WDPCP: variants seen among roughly 807,000 people sequenced by gnomAD.
WDPCP encodes WD repeat containing planar cell polarity effector.
A neutral mutation model predicts 93.1 loss-of-function variants in WDPCP; 71 were observed. The ratio of observed to expected loss-of-function variants is 0.76; its 90% CI spans 0.63 to 0.93. The LOEUF is 0.93. Among genes scored for constraint, WDPCP ranks in the 40% least tolerant of loss-of-function variants. WDPCP has a pLI of 0.00. For synonymous variants in WDPCP, 315 were observed against 315.0 expected (o/e 1.00, Z 0.00); for missense variants, 844 against 887.4 (o/e 0.95, Z 0.62).
At chr2:63,313,014 C>T (rs1686297257) in intron 13 of WDPCP, among the ~76,000 whole-genome samples, 1 of 151,832 alleles carries the variant, frequency 6.6e-6, no homozygotes, top group South Asian at 2.1e-4. Flanking sequence ...ATTATAAATT[C>T]TTAGAAAACA....
chr2:63,357,814 C>A (rs544082560), intron 12 of WDPCP, among the ~76,000 whole-genome samples: 1 of 152,202 alleles, frequency 6.6e-6, no homozygotes, highest in Non-Finnish European at 1.5e-5. Flanking sequence ...TGCAAATGTT[C>A]ATTGCAGCAC....
At chr2:63,563,831 G>C (rs753362826) in intron 1 of WDPCP, among the ~76,000 whole-genome samples, 1 of 152,080 alleles carries the variant, frequency 6.6e-6, no homozygotes, top group Non-Finnish European at 1.5e-5. Context: ...CCTTGAAATT[G>C]GGCTTGTCAG....
chr2:63,362,277 T>TTGGGGGTGTGTG lies in WDPCP; in HGVS notation c.1748+16108_1748+16109insCACACACCCCCA, dbSNP rs1553362983. ...GAATCCCTTTTTTTTTTTTTTTTGG[T>TTGGGGGTGTGTG]TGTGTGTGTGTGTGTGTGTGTGTGT... On this transcript the variant is annotated intron_variant, in intron 12 of 17. Transcript: ENST00000272321. Among the ~76,000 whole-genome samples, 20 of 94,108 alleles carry TTGGGGGTGTGTG rather than the reference T, an allele frequency of 2.1e-4. No individual in the cohort carries two copies. The South Asian group carries it at 3.6e-3, about 17-fold the overall frequency. The allele number at this position is 94,108 out of a possible 152,430, so 61.7% of individuals were successfully genotyped here. A position where few individuals can be genotyped will look rare whatever the true frequency, so the allele number is the denominator to read the frequency against.
At chr2:63,752,217 CTCAA>C in intron 2 of WDPCP, 1 of 705,478 alleles carries the variant, frequency 1.4e-6, no homozygotes, top group Admixed American at 1.9e-5. Flanking sequence ...TTGCCACTGC[CTCAA>C]TCAGTCATAA....
At chr2:63,506,486 G>A (rs567599319) in intron 1 of WDPCP, among the ~76,000 whole-genome samples, 20 of 151,954 alleles carry the variant, frequency 1.3e-4, no homozygotes, top group African/African-American at 4.6e-4. Context: ...CCACAAAACA[G>A]ATGTCATAAA....
intron 2 of WDPCP, among the ~76,000 whole-genome samples, chr2:63,805,947 C>T (rs750095483): frequency 2.2e-4 from 34 of 152,036 alleles, no homozygotes; most frequent in Admixed American, 5.9e-4. Flanking sequence ...TGGCAAAACC[C>T]CATCTCTACA....
At chr2:63,373,254 G>GT (rs70965124) in intron 12 of WDPCP, among the ~76,000 whole-genome samples, 63 of 143,516 alleles carry the variant, frequency 4.4e-4, no homozygotes, top group African/African-American at 4.1e-4. Context: ...TTTTTTTGTT[G>GT]TTTTTTTTTT....
chr2:63,829,360 T>C (rs899791703), upstream of WDPCP, among the ~76,000 whole-genome samples: 9 of 152,128 alleles, frequency 5.9e-5, no homozygotes, highest in Non-Finnish European at 1.3e-4. Context: ...AACATCAAAC[T>C]GTTTTTAGCT....
chr2:63,357,033 CTA>C (rs1220538769), intron 12 of WDPCP, among the ~76,000 whole-genome samples: 1 of 152,162 alleles, frequency 6.6e-6, no homozygotes. Flanking sequence ...AAGAGAGTAT[CTA>C]TTCAATAAAT....
intron 14 of WDPCP, among the ~76,000 whole-genome samples, chr2:63,224,921 C>T (rs1414013271): frequency 6.6e-6 from 1 of 151,738 alleles, no homozygotes; most frequent in Non-Finnish European, 1.5e-5. Context: ...TAAATATAGG[C>T]TCACCAATTG....
At chr2:63,237,916 A>T (rs4316930) in intron 14 of WDPCP, among the ~76,000 whole-genome samples, 44,920 of 151,576 alleles carry the variant, frequency 0.3, 7,668 homozygotes, top group East Asian at 0.64. Flanking sequence ...AGAAGCCGAA[A>T]CCTCAGCATT....
At chr2:63,690,771 CA>C (rs1250151904) in intron 2 of WDPCP, among the ~76,000 whole-genome samples, 1 of 151,748 alleles carries the variant, frequency 6.6e-6, no homozygotes, top group East Asian at 1.9e-4. Context: ...AACAAACAAA[CA>C]AAAACCCACA....
intron 6 of WDPCP, among the ~76,000 whole-genome samples, chr2:63,463,964 T>C (rs773432786): frequency 7.9e-5 from 12 of 152,112 alleles, no homozygotes; most frequent in Non-Finnish European, 1.8e-4. Flanking sequence ...GTGGACTTCA[T>C]GATTTCTTGC....
intron 17 of WDPCP, among the ~76,000 whole-genome samples, chr2:63,127,899 G>A (rs941832243): frequency 6.6e-6 from 1 of 152,004 alleles, no homozygotes; most frequent in Non-Finnish European, 1.5e-5. Flanking sequence ...CAGCACTTGG[G>A]AGGTCAAGGC....
At chr2:63,178,565 TTTTGA>T (rs1673992358) in intron 14 of WDPCP, among the ~76,000 whole-genome samples, 1 of 152,176 alleles carries the variant, frequency 6.6e-6, no homozygotes, top group Non-Finnish European at 1.5e-5. Flanking sequence ...CCTCTTTCAC[TTTTGA>T]TTTTAGTTAT....
rs186722731 is a variant in WDPCP at position 63,286,640 on chromosome 2, T to C, written c.1812+26608A>G. ...TGTTGCTCACACAAAGCCTGTTTGG[T>C]GGTCTCTTCACACAGACACACGTGA... is the stretch of plus-strand genomic sequence containing the variant. On this transcript the variant is annotated intron_variant, in intron 13 of 17. Coordinates refer to ENST00000272321, the MANE Select transcript of WDPCP (RefSeq NM_015910.7). Among the ~76,000 whole-genome samples the C allele has an allele frequency of 2.5e-3, 384 of 152,336 alleles. 1 individual carries two copies. The highest frequency in any genetic ancestry group is 6.8e-3 in the Middle Eastern group (2 of 294).
intron 2 of WDPCP, among the ~76,000 whole-genome samples, chr2:63,706,687 G>A (rs1239447135): frequency 6.9e-6 from 1 of 145,984 alleles, no homozygotes; most frequent in African/African-American, 2.5e-5. Context: ...CGCAATCTCG[G>A]CTCACTGCAA....
At chr2:63,329,169 TG>T (rs2104306966) in intron 12 of WDPCP, among the ~76,000 whole-genome samples, 2 of 152,334 alleles carry the variant, frequency 1.3e-5, no homozygotes, top group African/African-American at 4.8e-5. Context: ...TCTGAAACTT[TG>T]TGCTCTTTGA....
At chr2:63,487,390 T>C in intron 3 of WDPCP, 57 bp downstream of exon 3, 1 of 1,279,998 alleles carries the variant, frequency 7.8e-7, no homozygotes, top group South Asian at 1.2e-5. Flanking sequence ...TGGTCAGTAT[T>C]TCATGGTTTA....
Sources: gnomAD v4.1 joint callset for allele counts (sites outside exome capture counted in the v4.1 genomes callset) on GRCh38, gnomAD v4.1.1 for gene constraint, MANE v1.5 for transcripts, NCBI Gene and HGNC (gene_info 2026-07-23, HGNC 2026-07-21) for gene names.